The following KIF15 variants were observed in gnomAD, a reference collection of about 807,000 sequenced individuals.
KIF15 encodes the protein kinesin family member 15, also known as kinesin-like protein KIF15.
A neutral mutation model predicts 190.6 loss-of-function variants in KIF15; 140 were observed. That is an observed-to-expected ratio of 0.73 (90% CI 0.64 to 0.84). The LOEUF is 0.84. KIF15 is among the 40% of genes least tolerant of loss of function. The pLI, the probability that KIF15 is intolerant of heterozygous loss-of-function variation, is 0.00. For missense variants in KIF15, 1,372 were observed against 1,584.4 expected (o/e 0.87, Z 2.28); for synonymous variants, 528 against 551.3 (o/e 0.96, Z 0.59).
At chr3:44,837,251 A>G (rs113823510) in intron 26 of KIF15, among the ~76,000 whole-genome samples, 6 of 152,334 alleles carry the variant, frequency 3.9e-5, no homozygotes, top group East Asian at 1.9e-4. Flanking sequence ...TGATTACTCA[A>G]ACTTCTGGAG....
intron 23 of KIF15, 27 bp downstream of exon 23, chr3:44,827,555 G>A (rs1377433699): frequency 6.9e-7 from 1 of 1,447,600 alleles, no homozygotes; most frequent in Admixed American, 1.7e-5. Context: ...TCTAACTCTA[G>A]TATTTGAAGT....
chr3:44,838,771 G>T (rs906531522), intron 27 of KIF15, among the ~76,000 whole-genome samples: 11 of 151,580 alleles, frequency 7.3e-5, no homozygotes, highest in Non-Finnish European at 8.8e-5. Flanking sequence ...AAAAAAATGG[G>T]GGACAGGAGG....
intron 18 of KIF15, 98 bp downstream of exon 18, chr3:44,812,387 C>A: frequency 2.5e-6 from 2 of 807,242 alleles, no homozygotes; most frequent in Non-Finnish European, 4.2e-6. Flanking sequence ...CTTGAGTATG[C>A]ATGAAACATA....
At chr3:44,843,530 A>T (rs1698709879) in intron 30 of KIF15, among the ~76,000 whole-genome samples, 1 of 152,248 alleles carries the variant, frequency 6.6e-6, no homozygotes, top group Non-Finnish European at 1.5e-5. Context: ...GGTATATATA[A>T]TATCGACAAG....
At chr3:44,849,447 A>G (rs1698983112) in intron 32 of KIF15, among the ~76,000 whole-genome samples, 1 of 152,102 alleles carries the variant, frequency 6.6e-6, no homozygotes, top group Non-Finnish European at 1.5e-5. Flanking sequence ...ACATGGTGAA[A>G]CCCTGTCTCT....
intron 26 of KIF15, among the ~76,000 whole-genome samples, chr3:44,832,083 G>A (rs1342067230): frequency 6.6e-6 from 1 of 152,104 alleles, no homozygotes; most frequent in Non-Finnish European, 1.5e-5. Flanking sequence ...TAATAACCTG[G>A]GGGCACAGAA....
At chr3:44,768,777 C>A (rs1705520287) in intron 1 of KIF15, among the ~76,000 whole-genome samples, 1 of 152,128 alleles carries the variant, frequency 6.6e-6, no homozygotes, top group Non-Finnish European at 1.5e-5. Flanking sequence ...CCTAAGAGGC[C>A]AATCTAAAGG....
rs548244617 is a variant in KIF15, at chr3:44,806,059, A to G, written c.1971+73A>G. 3.5e-5 allele frequency: 53 copies of G among 1,500,264 alleles called. No individual in the cohort carries two copies. In the East Asian group the frequency reaches 9.3e-4, roughly 26 times the overall value. The allele number at this position is 1,500,264 out of a possible 1,614,324, so 92.9% of individuals were successfully genotyped here. A position where few individuals can be genotyped will look rare whatever the true frequency, so the allele number is the denominator to read the frequency against. On this transcript the variant is annotated intron_variant, in intron 16 of 34. Transcript: ENST00000326047. ...TTTATTAATAATGGAGAGAGTCTGC[A>G]TGGTCTATCTCCAGATGCAGATGAC...
chr3:44,852,036 G>A (rs1197827291), intron 33 of KIF15, 84 bp downstream of exon 33: 2 of 1,492,660 alleles, frequency 1.3e-6, no homozygotes, highest in Non-Finnish European at 1.8e-6. Context: ...CTTTGTGATT[G>A]GGTGTCCTTA....
chr3:44,800,174 C>T, intron 10 of KIF15, 140 bp from the exon 11 acceptor site: 1 of 721,322 alleles, frequency 1.4e-6, no homozygotes, highest in South Asian at 2.0e-5. Context: ...CACTGTGATT[C>T]CTGTGTCCTT....
intron 32 of KIF15, among the ~76,000 whole-genome samples, chr3:44,849,442 G>A (rs1698983006): frequency 1.3e-5 from 2 of 152,056 alleles, no homozygotes; most frequent in Admixed American, 1.3e-4. Context: ...GGGCAACATG[G>A]TGAAACCCTG....
At chr3:44,839,782 CT>C (rs1698500592) in intron 27 of KIF15, among the ~76,000 whole-genome samples, 3 of 152,274 alleles carry the variant, frequency 2.0e-5, no homozygotes, top group African/African-American at 7.2e-5. Context: ...TGGTATTTGT[CT>C]TTCTGTGCTG....
intron 32 of KIF15, among the ~76,000 whole-genome samples, chr3:44,851,241 G>A (rs1467462854): frequency 6.6e-6 from 1 of 152,188 alleles, no homozygotes; most frequent in African/African-American, 2.4e-5. Context: ...ACTCTAGCCT[G>A]GGCAGCAGAG....
intron 19 of KIF15, among the ~76,000 whole-genome samples, chr3:44,813,808 C>T (rs181914278): frequency 4.0e-5 from 6 of 151,870 alleles, no homozygotes; most frequent in East Asian, 1.9e-4. Flanking sequence ...AGGAGAGACA[C>T]GGTTTCGCCA....
At chr3:44,866,637 C>T (rs1699325218) in intron 6 of KIF15, among the ~76,000 whole-genome samples, 1 of 152,202 alleles carries the variant, frequency 6.6e-6, no homozygotes, top group Non-Finnish European at 1.5e-5. Context: ...CCCTCCTCCT[C>T]GCCCATGTAG....
chr3:44,826,443 TAAAG>T lies in KIF15; in HGVS notation c.2773_2776del (p.Glu925ThrfsTer7), dbSNP rs1216082946. ...AATTATCATTACAGTTTGAAGAAGA[TAAAG>T]AAAACAGTTCTAAGTGAGTGCTATT... On this transcript the variant is annotated frameshift_variant, in exon 22 of 35. Coordinates refer to ENST00000326047, the MANE Select transcript of KIF15 (RefSeq NM_020242.3). LOFTEE classifies it high-confidence loss of function. 7 of 1,609,844 alleles carry T rather than the reference TAAAG, an allele frequency of 4.3e-6. No homozygotes were observed. The highest frequency in any genetic ancestry group is 5.1e-6 in the Non-Finnish European group (6 of 1,176,796).
chr3:44,839,812 AGT>A (rs1698502179), intron 27 of KIF15, among the ~76,000 whole-genome samples: 1 of 152,178 alleles, frequency 6.6e-6, no homozygotes, highest in South Asian at 2.1e-4. Flanking sequence ...TACTTGGAAC[AGT>A]GTCCTCCAGG....
At position 44,848,015 on chromosome 3, in the gene KIF15, G is replaced by A. The variant is rs936293192; in HGVS notation, c.3726G>A (p.Leu1242=). 1 of 1,611,510 alleles carries A rather than the reference G, an allele frequency of 6.2e-7. No individual in the cohort carries two copies. Residue 1242 remains leucine (L), a synonymous_variant, in exon 31 of 35, where the codon CTG becomes CTA. Coordinates refer to ENST00000326047, the MANE Select transcript of KIF15 (RefSeq NM_020242.3). ...SDQNHPDNQQ[L]KNEQEESIKE... ...AGAATCATCCAGATAATCAACAGCT[G>A]AAGAATGAACAAGAAGAAAGTATCA...
At position 44,764,386 on chromosome 3, in the gene KIF15, ACTGAACATTATGT is replaced by A. The variant is rs1705297663; in HGVS notation, c.19+2506_19+2518del. On this transcript the variant is annotated intron_variant, in intron 1 of 34. Transcript: ENST00000326047. ...TTCTTTTTTTATTCTGGTTTCTTCA[ACTGAACATTATGT>A]CTGTGATCATTGTCCATCATTGTAT... Among the ~76,000 whole-genome samples, 3 of 152,260 alleles carry A rather than the reference ACTGAACATTATGT, an allele frequency of 2.0e-5. No individual in the cohort carries two copies. In the East Asian group the frequency reaches 5.8e-4, roughly 29 times the overall value.
Sources: gnomAD v4.1 joint callset for allele counts (sites outside exome capture counted in the v4.1 genomes callset) on GRCh38, gnomAD v4.1.1 for gene constraint, MANE v1.5 for transcripts, NCBI Gene and HGNC (gene_info 2026-07-23, HGNC 2026-07-21) for gene names.